PDE3B: variants seen among roughly 807,000 people sequenced by gnomAD.
The protein encoded by PDE3B is cGMP-inhibited 3',5'-cyclic phosphodiesterase 3B.
In PDE3B, 66 loss-of-function variants were observed where a neutral mutation model predicts 116.8. That is an observed-to-expected ratio of 0.56 (90% confidence interval 0.46 to 0.69). The LOEUF (loss-of-function observed/expected upper bound fraction) is 0.69, where lower values mean the gene tolerates loss of function less well. Among genes scored for constraint, PDE3B ranks in the 30% least tolerant of loss-of-function variants. PDE3B has a pLI of 0.00. For synonymous variants in PDE3B, 595 were observed against 533.6 expected (o/e 1.12, Z -1.59); for missense variants, 1,384 against 1,368.1 (o/e 1.01, Z -0.18).
intron 1 of PDE3B, among the ~76,000 whole-genome samples, chr11:14,648,244 TA>T (rs1345770703): frequency 6.6e-6 from 1 of 152,086 alleles, no homozygotes; most frequent in African/African-American, 2.4e-5. Flanking sequence ...GTGTGTGAGA[TA>T]TTTTTCTATA....
At chr11:14,687,883 G>T (rs1004408003) in intron 1 of PDE3B, among the ~76,000 whole-genome samples, 1 of 152,026 alleles carries the variant, frequency 6.6e-6, no homozygotes, top group Non-Finnish European at 1.5e-5. Flanking sequence ...TTAGGAATTT[G>T]CTCATCAACA....
chr11:14,765,247 A>C lies in PDE3B; in HGVS notation c.979-6690A>C, dbSNP rs193215174. Among the ~76,000 whole-genome samples, 213 of 152,048 alleles carry C rather than the reference A, an allele frequency of 1.4e-3. 1 individual carries two copies. Among genetic ancestry groups the C allele is most frequent in the East Asian group, 7.1e-3 (37 of 5,184 alleles). On this transcript the variant is annotated intron_variant, in intron 1 of 15. Coordinates refer to ENST00000282096, the MANE Select transcript of PDE3B (RefSeq NM_000922.4). The stretch of plus-strand genomic sequence containing the variant: ...TAAGTATTCTTTTTAAATTTCACAT[A>C]AATATAACAGTTCTGTAAGCTTGAT...
intron 1 of PDE3B, among the ~76,000 whole-genome samples, chr11:14,738,527 G>A (rs11023323): frequency 0.051 from 7,724 of 152,238 alleles, 248 homozygotes; most frequent in Non-Finnish European, 0.073. Flanking sequence ...TTTGTTAGAT[G>A]GATAGATTGC....
chr11:14,645,097 G>GGTT, intron 1 of PDE3B, 44 bp downstream of exon 1: 1 of 1,457,346 alleles, frequency 6.9e-7, no homozygotes, highest in Non-Finnish European at 9.2e-7. Flanking sequence ...AGCGGGTTCG[G>GGTT]GTTTACCGCT....
At chr11:14,750,897 A>G (rs926856971) in intron 1 of PDE3B, among the ~76,000 whole-genome samples, 1 of 152,180 alleles carries the variant, frequency 6.6e-6, no homozygotes, top group Non-Finnish European at 1.5e-5. Context: ...TTAGGCAGCC[A>G]GACTGATCAC....
At chr11:14,686,903 C>T (rs575413366) in intron 1 of PDE3B, among the ~76,000 whole-genome samples, 12 of 152,032 alleles carry the variant, frequency 7.9e-5, no homozygotes, top group South Asian at 2.1e-4. Context: ...TTATTAGAGA[C>T]GGTGTTTCAC....
At chr11:14,857,788 G>A (rs573841646) in intron 12 of PDE3B, among the ~76,000 whole-genome samples, 177 of 152,254 alleles carry the variant, frequency 1.2e-3, no homozygotes, top group African/African-American at 3.8e-3. Flanking sequence ...GGCATTCATT[G>A]TACATTGTGT....
At chr11:14,841,330 TCC>T in intron 11 of PDE3B, among the ~76,000 whole-genome samples, 1 of 147,708 alleles carries the variant, frequency 6.8e-6, no homozygotes, top group Non-Finnish European at 1.5e-5. Context: ...TCTCTCTCTC[TCC>T]CTCTCTCTCT....
chr11:14,759,136 TA>T (rs1857278910), intron 1 of PDE3B, among the ~76,000 whole-genome samples: 1 of 152,146 alleles, frequency 6.6e-6, no homozygotes, highest in South Asian at 2.1e-4. Context: ...TCATGGTGGA[TA>T]AGCTTTTTGA....
the PDE3B span, among the ~76,000 whole-genome samples, chr11:14,897,604 C>G: frequency 6.6e-6 from 1 of 152,194 alleles, no homozygotes; most frequent in Non-Finnish European, 1.5e-5. Flanking sequence ...AAATTATCTT[C>G]TGGTCTTCAG....
chr11:14,735,973 T>C (rs905621143), intron 1 of PDE3B, among the ~76,000 whole-genome samples: 2 of 151,556 alleles, frequency 1.3e-5, no homozygotes, highest in African/African-American at 4.9e-5. Context: ...TGTGTGTGTG[T>C]GTGTGTGTGT....
At chr11:14,701,269 A>G (rs1855352639) in intron 1 of PDE3B, among the ~76,000 whole-genome samples, 1 of 151,768 alleles carries the variant, frequency 6.6e-6, no homozygotes, top group Non-Finnish European at 1.5e-5. Flanking sequence ...ATTGAATTAG[A>G]TGGGTAAATG....
intron 1 of PDE3B, among the ~76,000 whole-genome samples, chr11:14,677,406 A>T (rs1854561097): frequency 6.6e-6 from 1 of 152,258 alleles, no homozygotes; most frequent in Non-Finnish European, 1.5e-5. Flanking sequence ...AGATTACTTC[A>T]TAAAAATAAC....
intron 4 of PDE3B, among the ~76,000 whole-genome samples, chr11:14,791,374 A>G (rs534073077): frequency 1.8e-4 from 28 of 152,116 alleles, no homozygotes; most frequent in African/African-American, 6.5e-4. Context: ...TATGCCTGAT[A>G]CCAGGTTTCT....
At chr11:14,664,779 C>T (rs1251588910) in intron 1 of PDE3B, among the ~76,000 whole-genome samples, 4 of 152,154 alleles carry the variant, frequency 2.6e-5, no homozygotes, top group African/African-American at 9.7e-5. Flanking sequence ...TAATCAATAG[C>T]TTACCAACCA....
chr11:14,647,086 G>A (rs774288404), intron 1 of PDE3B, among the ~76,000 whole-genome samples: 9 of 151,832 alleles, frequency 5.9e-5, no homozygotes, highest in Non-Finnish European at 8.8e-5. Context: ...GTCTAACAGT[G>A]GATTTGTGCT....
chr11:14,782,182 G>A (rs567083088), intron 2 of PDE3B, among the ~76,000 whole-genome samples: 6 of 151,084 alleles, frequency 4.0e-5, no homozygotes, highest in South Asian at 2.1e-4. Context: ...TGACAATACT[G>A]CCCAAAGTCA....
chr11:14,688,154 T>C (rs1854939517), intron 1 of PDE3B, among the ~76,000 whole-genome samples: 1 of 104,596 alleles, frequency 9.6e-6, no homozygotes, highest in African/African-American at 3.0e-5. Flanking sequence ...CCTCCCTCCC[T>C]CCATCCCTCT....
chr11:14,700,293 A>C (rs1855325606), intron 1 of PDE3B, among the ~76,000 whole-genome samples: 1 of 151,776 alleles, frequency 6.6e-6, no homozygotes, highest in Admixed American at 6.6e-5. Flanking sequence ...GCTGAATAAC[A>C]AAAGTCTAAT....
Sources: allele counts gnomAD v4.1 joint callset (sites outside exome capture counted in the v4.1 genomes callset), GRCh38; gene constraint gnomAD v4.1.1; transcripts MANE v1.5; gene names NCBI Gene and HGNC (gene_info 2026-07-23, HGNC 2026-07-21).